The following RALYL variants were observed in gnomAD, a reference collection of about 807,000 sequenced individuals.
RALYL encodes RALY RNA binding protein like, also known as RNA-binding Raly-like protein.
Under a neutral mutation model 35.1 loss-of-function variants are expected in RALYL, and 29 were observed. The ratio of observed to expected loss-of-function variants is 0.83; its 90% confidence interval spans 0.61 to 1.13. The LOEUF (loss-of-function observed/expected upper bound fraction) is 1.13. Among genes scored for constraint, RALYL ranks in the 50% most tolerant of loss-of-function variants. The pLI, the probability that RALYL is intolerant of heterozygous loss-of-function variation, is 0.00. For synonymous variants in RALYL, 120 were observed against 127.6 expected, an observed-to-expected ratio of 0.94 and a Z score of 0.40; for missense variants, 359 against 360.4, an observed-to-expected ratio of 1.00 and a Z score of 0.03.
intron 1 of RALYL, among the ~76,000 whole-genome samples, chr8:84,229,167 C>T (rs904497606): frequency 2.8e-4 from 42 of 152,050 alleles, no homozygotes; most frequent in Admixed American, 2.8e-3. Context: ...TTTTGGTGGC[C>T]GAAATTTATA....
At chr8:84,508,119 T>C (rs150371398) in intron 1 of RALYL, among the ~76,000 whole-genome samples, 2,382 of 152,248 alleles carry the variant, frequency 0.016, 63 homozygotes, top group African/African-American at 0.054. Context: ...TCTTACAGTA[T>C]TTCAAAGAGA....
chr8:84,409,009 A>G (rs2043839202), intron 1 of RALYL, among the ~76,000 whole-genome samples: 1 of 152,202 alleles, frequency 6.6e-6, no homozygotes, highest in East Asian at 1.9e-4. Context: ...AGTCATCCTG[A>G]TATGGAAAAA....
chr8:84,820,876 G>A (rs1828371835), intron 4 of RALYL, among the ~76,000 whole-genome samples: 1 of 152,120 alleles, frequency 6.6e-6, no homozygotes, highest in African/African-American at 2.4e-5. Context: ...AATAGAAATG[G>A]TGGCTAAGAT....
intron 2 of RALYL, among the ~76,000 whole-genome samples, chr8:84,711,782 C>T (rs1220770829): frequency 6.6e-6 from 1 of 151,994 alleles, no homozygotes; most frequent in African/African-American, 2.4e-5. Context: ...TTATAGAAGT[C>T]TTGTTTAAAG....
chr8:84,397,047 G>T (rs546863723), intron 1 of RALYL, among the ~76,000 whole-genome samples: 30 of 152,192 alleles, frequency 2.0e-4, no homozygotes, highest in South Asian at 2.1e-4. Context: ...ACCCAGTTGG[G>T]CCCAATGTAA....
At chr8:84,402,809 C>T (rs531103983) in intron 1 of RALYL, among the ~76,000 whole-genome samples, 1 of 152,258 alleles carries the variant, frequency 6.6e-6, no homozygotes, top group South Asian at 2.1e-4. Context: ...TCTCCATATC[C>T]TCTCCAGCAC....
At chr8:84,288,936 A>G (rs371282958) in intron 1 of RALYL, among the ~76,000 whole-genome samples, 5 of 152,160 alleles carry the variant, frequency 3.3e-5, no homozygotes, top group Admixed American at 1.3e-4. Context: ...GATTTTATTT[A>G]AAGCTATCAC....
intron 6 of RALYL, among the ~76,000 whole-genome samples, chr8:84,866,613 C>A (rs1295179670): frequency 6.6e-6 from 1 of 152,072 alleles, no homozygotes; most frequent in African/African-American, 2.4e-5. Flanking sequence ...GAATGATAAT[C>A]TTACTGCCTT....
intron 1 of RALYL, among the ~76,000 whole-genome samples, chr8:84,214,866 T>C (rs757569457): frequency 5.3e-5 from 8 of 152,054 alleles, no homozygotes; most frequent in Non-Finnish European, 7.4e-5. Context: ...TTTTGTATCA[T>C]TTTTCTAGTA....
intron 8 of RALYL, among the ~76,000 whole-genome samples, chr8:84,888,988 G>A (rs554125997): frequency 1.3e-5 from 2 of 152,246 alleles, no homozygotes; most frequent in East Asian, 1.9e-4. Context: ...GACCTCAAGT[G>A]ATCTGCCCAC....
chr8:84,717,194 G>T (rs1843082952), intron 2 of RALYL, among the ~76,000 whole-genome samples: 1 of 152,016 alleles, frequency 6.6e-6, no homozygotes, highest in Admixed American at 6.6e-5. Context: ...CTCAAAAAAA[G>T]ATCATAGATG....
chr8:84,509,140 G>A (rs1027036799), intron 1 of RALYL, among the ~76,000 whole-genome samples: 2 of 152,040 alleles, frequency 1.3e-5, no homozygotes, highest in African/African-American at 2.4e-5. Flanking sequence ...TGTGTACTAC[G>A]TTTATTGAAG....
intron 2 of RALYL, among the ~76,000 whole-genome samples, chr8:84,763,584 T>C (rs747731424): frequency 1.3e-5 from 2 of 152,198 alleles, no homozygotes; most frequent in African/African-American, 4.8e-5. Context: ...AGGAGGCTAC[T>C]GGTGAACACT....
chr8:84,698,667 CA>C (rs1305396442), intron 2 of RALYL, among the ~76,000 whole-genome samples: 3 of 152,036 alleles, frequency 2.0e-5, no homozygotes, highest in Admixed American at 2.0e-4. Flanking sequence ...TGCTCTAGTT[CA>C]GAGTCCAGAA....
At chr8:84,369,313 T>C (rs1855201862) in intron 1 of RALYL, among the ~76,000 whole-genome samples, 1 of 151,794 alleles carries the variant, frequency 6.6e-6, no homozygotes, top group Admixed American at 6.6e-5. Context: ...TATTTATTTA[T>C]TTATTTATTT....
At chr8:84,713,835 T>A (rs1038856757) in intron 2 of RALYL, among the ~76,000 whole-genome samples, 1 of 148,482 alleles carries the variant, frequency 6.7e-6, no homozygotes, top group Non-Finnish European at 1.5e-5. Context: ...TCAACATAAA[T>A]GTCCATCCAC....
chr8:84,784,868 T>C (rs1002790739), intron 3 of RALYL, among the ~76,000 whole-genome samples: 17 of 152,372 alleles, frequency 1.1e-4, no homozygotes, highest in African/African-American at 3.1e-4. Flanking sequence ...TTCATTATTT[T>C]AGAAGTTAAT....
chr8:84,845,617 C>T (rs957890152), intron 4 of RALYL, among the ~76,000 whole-genome samples: 4 of 150,508 alleles, frequency 2.7e-5, no homozygotes. Context: ...ATTCTGCAGG[C>T]TGTCTGTTTA....
At chr8:84,728,643 A>G (rs1845492443) in intron 2 of RALYL, among the ~76,000 whole-genome samples, 1 of 152,030 alleles carries the variant, frequency 6.6e-6, no homozygotes. Flanking sequence ...TCTTGAATTG[A>G]TTTTTGTATA....
Sources: gnomAD v4.1 joint callset for allele counts (sites outside exome capture counted in the v4.1 genomes callset) on GRCh38, gnomAD v4.1.1 for gene constraint, MANE v1.5 for transcripts, NCBI Gene and HGNC (gene_info 2026-07-23, HGNC 2026-07-21) for gene names.